Variants in NALCN observed in about 807,000 individuals in gnomAD.
NALCN encodes the protein sodium leak channel NALCN.
NALCN carries 111 observed loss-of-function variants against 225.3 expected under a neutral mutation model. That is an observed-to-expected ratio of 0.49 (90% CI 0.42 to 0.58). The LOEUF is 0.58. Ranked by LOEUF, NALCN falls within the 20% of genes least tolerant of loss-of-function variation. The probability of loss-of-function intolerance (pLI) is 0.00; values close to 1 mark genes in which losing one functional copy is unlikely to be tolerated. For synonymous variants in NALCN, 764 were observed against 769.0 expected, an observed-to-expected ratio of 0.99 and a Z score of 0.11; for missense variants, 1,378 against 2,202.4, an observed-to-expected ratio of 0.63 and a Z score of 7.49.
intron 11 of NALCN, among the ~76,000 whole-genome samples, chr13:101,251,432 T>A (rs2042058849): frequency 6.6e-6 from 1 of 152,102 alleles, no homozygotes; most frequent in East Asian, 1.9e-4. Context: ...TACACAGGGA[T>A]CTTCTACTCT....
At chr13:101,313,022 A>G (rs2044408472) in intron 7 of NALCN, among the ~76,000 whole-genome samples, 1 of 152,312 alleles carries the variant, frequency 6.6e-6, no homozygotes, top group East Asian at 1.9e-4. Context: ...CTCAGAAATA[A>G]TGCCACATAT....
At chr13:101,288,190 C>G (rs1481815655) in intron 9 of NALCN, among the ~76,000 whole-genome samples, 2 of 152,110 alleles carry the variant, frequency 1.3e-5, no homozygotes, top group Non-Finnish European at 2.9e-5. Flanking sequence ...TTGTACTATT[C>G]TATTATTATG....
intron 11 of NALCN, among the ~76,000 whole-genome samples, chr13:101,245,040 A>C (rs2041853921): frequency 6.6e-6 from 1 of 152,126 alleles, no homozygotes; most frequent in Admixed American, 6.5e-5. Flanking sequence ...GTCCAATCTC[A>C]AGGCTTTCTG....
chr13:101,275,890 C>A (rs992826531), intron 10 of NALCN, among the ~76,000 whole-genome samples: 1 of 151,618 alleles, frequency 6.6e-6, no homozygotes, highest in African/African-American at 2.4e-5. Flanking sequence ...GTGGTGAAAC[C>A]CCGTCTCTAC....
At chr13:101,408,223 A>G (rs958562912) in intron 1 of NALCN, among the ~76,000 whole-genome samples, 3 of 152,182 alleles carry the variant, frequency 2.0e-5, no homozygotes, top group Non-Finnish European at 2.9e-5. Flanking sequence ...GTTCCTGCCT[A>G]TTCCACGTCT....
chr13:101,300,391 C>CTTCCT (rs1411700493), intron 7 of NALCN, among the ~76,000 whole-genome samples: 8 of 139,990 alleles, frequency 5.7e-5, no homozygotes, highest in Non-Finnish European at 7.6e-5. Flanking sequence ...TCCTTCCTTC[C>CTTCCT]TTCCTTCCCT....
At chr13:101,413,309 A>C (rs1384495170) in intron 1 of NALCN, among the ~76,000 whole-genome samples, 1 of 152,144 alleles carries the variant, frequency 6.6e-6, no homozygotes, top group Non-Finnish European at 1.5e-5. Context: ...GATATGGAAA[A>C]ATAGGTGACA....
At chr13:101,107,856 TA>T in intron 20 of NALCN, 67 bp from the exon 21 acceptor site, 1 of 1,219,442 alleles carries the variant, frequency 8.2e-7, no homozygotes, top group Non-Finnish European at 1.1e-6. Flanking sequence ...TATTATCAGT[TA>T]AAAAACTTAA....
chr13:101,159,598 C>T (rs1375461374), intron 15 of NALCN, among the ~76,000 whole-genome samples: 1 of 152,172 alleles, frequency 6.6e-6, no homozygotes, highest in African/African-American at 2.4e-5. Flanking sequence ...ACAGATCTGT[C>T]ATAATGAAGT....
intron 13 of NALCN, among the ~76,000 whole-genome samples, chr13:101,197,662 C>T (rs1198314787): frequency 1.3e-5 from 2 of 152,172 alleles, no homozygotes; most frequent in Non-Finnish European, 2.9e-5. Flanking sequence ...GAGCAGTTTA[C>T]TTGAGAATGG....
At chr13:101,412,954 T>G (rs1347279839) in intron 1 of NALCN, among the ~76,000 whole-genome samples, 1 of 152,218 alleles carries the variant, frequency 6.6e-6, no homozygotes, top group Non-Finnish European at 1.5e-5. Context: ...ATTTTGGCTT[T>G]ACTCTAAGAG....
At chr13:101,380,857 AACAC>A (rs58640505) in intron 3 of NALCN, among the ~76,000 whole-genome samples, 2,878 of 145,616 alleles carry the variant, frequency 0.02, 32 homozygotes, top group Non-Finnish European at 0.024. Flanking sequence ...ATGCCTAGCT[AACAC>A]ACACACACAC....
intron 38 of NALCN, 41 bp downstream of exon 38, chr13:101,068,654 T>C: frequency 2.0e-6 from 3 of 1,493,990 alleles, no homozygotes; most frequent in Non-Finnish European, 1.8e-6. Context: ...TCTAAGTACC[T>C]GAGTTTAAAG....
intron 22 of NALCN, among the ~76,000 whole-genome samples, chr13:101,106,999 G>T (rs2035152973): frequency 6.6e-6 from 1 of 152,150 alleles, no homozygotes; most frequent in South Asian, 2.1e-4. Flanking sequence ...TGTTGGTAGG[G>T]TAGAGACAGT....
At chr13:101,362,305 T>TA (rs2046272845) in intron 6 of NALCN, among the ~76,000 whole-genome samples, 1 of 152,068 alleles carries the variant, frequency 6.6e-6, no homozygotes, top group African/African-American at 2.4e-5. Flanking sequence ...AATGTAGAAT[T>TA]AAAATACAGA....
At position 101,104,458 on chromosome 13, in the gene NALCN, T is replaced by A. The variant is rs768553127; in HGVS notation, c.2758-32A>T. On this transcript the variant is annotated intron_variant, in intron 24 of 43. Transcript: ENST00000251127. This position sits in a 1 kb window ranked among gnomAD's most constrained non-coding sequence, Gnocchi z 4.2. ...CGGGCAAAAGGCAGTTTGGTTACAA[T>A]GAACGGAAAAACAGCAGGTCAGTAT... The A allele has an allele frequency of 6.2e-7, 1 of 1,612,570 alleles. No homozygotes were observed.
intron 18 of NALCN, among the ~76,000 whole-genome samples, chr13:101,112,050 G>A (rs1451512205): frequency 6.6e-6 from 1 of 152,082 alleles, no homozygotes; most frequent in East Asian, 1.9e-4. Flanking sequence ...GAAAACATAA[G>A]CTTACAAGCA....
At chr13:101,164,028 T>A (rs2038320611) in intron 15 of NALCN, among the ~76,000 whole-genome samples, 2 of 152,112 alleles carry the variant, frequency 1.3e-5, no homozygotes, top group Admixed American at 6.6e-5. Flanking sequence ...TCTCTTCTCT[T>A]TTTATGAGGA....
Position 101,356,435 on chromosome 13 carries a change from T to G in NALCN, c.645-11015A>C, listed in dbSNP as rs527840855. 1.1e-4 allele frequency among the ~76,000 whole-genome samples: 17 copies of G among 152,198 alleles called. No individual in the cohort carries two copies. In the South Asian group the frequency reaches 3.5e-3, roughly 32 times the overall value. On this transcript the variant is annotated intron_variant, in intron 6 of 43. Transcript: ENST00000251127. The stretch of plus-strand genomic sequence containing the variant: ...TATAAACATGTCTACCTAAATAAAC[T>G]AGAAAATCTAGAAGAAATGGATAAA...
Sources: allele counts gnomAD v4.1 joint callset (sites outside exome capture counted in the v4.1 genomes callset), GRCh38; gene constraint gnomAD v4.1.1; non-coding constraint Gnocchi (gnomAD v3.1); transcripts MANE v1.5; gene names NCBI Gene and HGNC (gene_info 2026-07-23, HGNC 2026-07-21).